The following WWOX variants were observed in gnomAD, a reference collection of about 807,000 sequenced individuals.
WWOX encodes the protein WW domain-containing oxidoreductase.
WWOX carries 69 observed loss-of-function variants against 46.2 expected under a neutral mutation model. The observed-to-expected ratio is 1.49, with a 90% CI of 1.23 to 1.82. The LOEUF is 1.82. WWOX is among the 40% of genes most tolerant of loss of function. The probability of loss-of-function intolerance (pLI) is 0.00; values close to 1 mark genes in which losing one functional copy is unlikely to be tolerated. For synonymous variants in WWOX, 359 were observed against 202.6 expected (o/e 1.77, Z -6.56); for missense variants, 919 against 542.6 (o/e 1.69, Z -6.89).
At chr16:78,866,701 G>C (rs957287227) in intron 8 of WWOX, among the ~76,000 whole-genome samples, 1 of 152,212 alleles carries the variant, frequency 6.6e-6, no homozygotes. Context: ...AAATGGCAGA[G>C]CACGCAAATC....
At chr16:78,911,917 T>A (rs1034628124) in intron 8 of WWOX, among the ~76,000 whole-genome samples, 13 of 152,008 alleles carry the variant, frequency 8.6e-5, no homozygotes, top group African/African-American at 3.1e-4. Flanking sequence ...TCAAGCTTAG[T>A]GTGTGCAAGA....
chr16:78,103,792 A>G (rs1000154063), intron 1 of WWOX, among the ~76,000 whole-genome samples: 1 of 152,026 alleles, frequency 6.6e-6, no homozygotes, highest in South Asian at 2.1e-4. Context: ...GGCCATGGCC[A>G]GGGATAGAGG....
intron 1 of WWOX, among the ~76,000 whole-genome samples, chr16:78,105,897 G>T (rs919621448): frequency 6.6e-6 from 1 of 152,148 alleles, no homozygotes; most frequent in African/African-American, 2.4e-5. Flanking sequence ...CACCTCCCAG[G>T]TTCAGGAAAT....
intron 8 of WWOX, among the ~76,000 whole-genome samples, chr16:78,462,547 G>A (rs914496583): frequency 3.3e-5 from 5 of 152,200 alleles, no homozygotes; most frequent in Non-Finnish European, 7.3e-5. Context: ...TACCTCTTCA[G>A]TGTCTGCAAA....
chr16:78,391,994 CCTT>C (rs1311375500), intron 6 of WWOX, among the ~76,000 whole-genome samples: 1 of 134,194 alleles, frequency 7.5e-6, no homozygotes, highest in Admixed American at 7.4e-5. Flanking sequence ...GGTTTTGTCT[CCTT>C]TTTTTTTTTT....
chr16:78,306,289 A>G (rs894899715), intron 5 of WWOX, among the ~76,000 whole-genome samples: 1 of 152,174 alleles, frequency 6.6e-6, no homozygotes, highest in African/African-American at 2.4e-5. Context: ...TAATTACAGT[A>G]TACGATTCTA....
intron 8 of WWOX, among the ~76,000 whole-genome samples, chr16:78,995,919 C>A (rs112035087): frequency 6.6e-6 from 1 of 152,108 alleles, no homozygotes; most frequent in Non-Finnish European, 1.5e-5. Flanking sequence ...TGCGTTTATA[C>A]CTCTGTGACA....
At chr16:79,041,249 C>A (rs548255265) in intron 8 of WWOX, among the ~76,000 whole-genome samples, 1 of 152,258 alleles carries the variant, frequency 6.6e-6, no homozygotes, top group South Asian at 2.1e-4. Context: ...TCTGTTAATT[C>A]TTGGCTTTCT....
At chr16:79,143,439 C>T (rs189756451) in intron 8 of WWOX, among the ~76,000 whole-genome samples, 77 of 152,240 alleles carry the variant, frequency 5.1e-4, no homozygotes, top group African/African-American at 1.8e-3. Context: ...CTTACCTGAA[C>T]GGTGGTGTAT....
intron 8 of WWOX, among the ~76,000 whole-genome samples, chr16:78,765,266 G>T (rs1197381500): frequency 6.6e-6 from 1 of 152,252 alleles, no homozygotes; most frequent in Non-Finnish European, 1.5e-5. Context: ...GGAATGAGAA[G>T]AGCCCAGTAG....
intron 8 of WWOX, among the ~76,000 whole-genome samples, chr16:79,056,908 T>A (rs927892099): frequency 6.6e-6 from 1 of 152,308 alleles, no homozygotes; most frequent in East Asian, 1.9e-4. Flanking sequence ...CTACAAAACA[T>A]AGTGCTAAAA....
At chr16:78,914,093 T>G (rs1433445991) in intron 8 of WWOX, among the ~76,000 whole-genome samples, 1 of 152,084 alleles carries the variant, frequency 6.6e-6, no homozygotes, top group Non-Finnish European at 1.5e-5. Flanking sequence ...ATCATTCTGA[T>G]GTAGGGAGGA....
intron 8 of WWOX, chr16:78,757,012 C>G (rs968799452): frequency 1.1e-5 from 8 of 699,678 alleles, no homozygotes; most frequent in Non-Finnish European, 1.8e-5. Context: ...CTGCCAACAG[C>G]CATGTGAGTG....
At chr16:78,587,333 C>A (rs986416976) in intron 8 of WWOX, among the ~76,000 whole-genome samples, 1 of 151,686 alleles carries the variant, frequency 6.6e-6, no homozygotes, top group African/African-American at 2.4e-5. Context: ...GCGTGAGGCC[C>A]AGTTAGTATT....
At chr16:78,626,475 T>C (rs2046314602) in intron 8 of WWOX, among the ~76,000 whole-genome samples, 1 of 152,208 alleles carries the variant, frequency 6.6e-6, no homozygotes, top group Non-Finnish European at 1.5e-5. Context: ...ATGAGTTTAC[T>C]GGAGTTAATG....
intron 8 of WWOX, among the ~76,000 whole-genome samples, chr16:78,589,868 G>A (rs1235879515): frequency 6.6e-6 from 1 of 152,122 alleles, no homozygotes; most frequent in African/African-American, 2.4e-5. Context: ...CTGCAAGGGG[G>A]GAAAAATGGA....
At chr16:78,610,889 A>T (rs907131186) in intron 8 of WWOX, among the ~76,000 whole-genome samples, 4 of 152,174 alleles carry the variant, frequency 2.6e-5, no homozygotes, top group Non-Finnish European at 4.4e-5. Context: ...GCAATTAATG[A>T]CAGGAAGCCT....
chr16:78,600,689 C>A (rs556818934), intron 8 of WWOX, among the ~76,000 whole-genome samples: 17 of 152,192 alleles, frequency 1.1e-4, no homozygotes, highest in Non-Finnish European at 1.8e-4. Context: ...ATGAAACTGC[C>A]CTAGAACGAC....
intron 8 of WWOX, among the ~76,000 whole-genome samples, chr16:78,636,151 A>AG (rs1318983869): frequency 1.3e-5 from 2 of 152,176 alleles, no homozygotes; most frequent in Non-Finnish European, 1.5e-5. Flanking sequence ...GTTTAATAAA[A>AG]GGTAGTATAT....
Sources: allele counts gnomAD v4.1 joint callset (sites outside exome capture counted in the v4.1 genomes callset), GRCh38; gene constraint gnomAD v4.1.1; transcripts MANE v1.5; gene names NCBI Gene and HGNC (gene_info 2026-07-23, HGNC 2026-07-21).